ANKRD30B: variants seen among roughly 807,000 people sequenced by gnomAD.
ANKRD30B encodes ankyrin repeat domain 30B.
In ANKRD30B, 144 loss-of-function variants were observed where a neutral mutation model predicts 202.2. The ratio of observed to expected loss-of-function variants is 0.71; its 90% confidence interval spans 0.62 to 0.82. The LOEUF (loss-of-function observed/expected upper bound fraction) is 0.82. ANKRD30B is among the 40% of genes least tolerant of loss of function. The pLI is 0.00. For synonymous variants in ANKRD30B, 508 were observed against 561.3 expected (o/e 0.91, Z 1.34); for missense variants, 1,487 against 1,669.1 (o/e 0.89, Z 1.90).
chr18:14,916,705 T>C, the ANKRD30B span, among the ~76,000 whole-genome samples: 1 of 152,222 alleles, frequency 6.6e-6, no homozygotes, highest in Admixed American at 6.5e-5. Flanking sequence ...TGCTGCAAAC[T>C]GAGTTATGCA....
At chr18:14,767,318 A>G (rs953936222) in intron 7 of ANKRD30B, among the ~76,000 whole-genome samples, 1 of 152,230 alleles carries the variant, frequency 6.6e-6, no homozygotes, top group Admixed American at 6.5e-5. Context: ...AACTGTGAAT[A>G]GTATGAAACC....
intron 36 of ANKRD30B, among the ~76,000 whole-genome samples, chr18:14,840,297 G>A (rs1042438724): frequency 2.0e-5 from 3 of 152,034 alleles, no homozygotes; most frequent in Non-Finnish European, 2.9e-5. Flanking sequence ...CAATATTTTC[G>A]GAGGGCGAGG....
At chr18:14,897,429 C>T in the ANKRD30B span, among the ~76,000 whole-genome samples, 7 of 152,134 alleles carry the variant, frequency 4.6e-5, no homozygotes, top group Non-Finnish European at 1.0e-4. Flanking sequence ...CATTCACCTG[C>T]CTCAGCCTCC....
the ANKRD30B span, among the ~76,000 whole-genome samples, chr18:14,900,430 A>G: frequency 6.6e-6 from 1 of 151,996 alleles, no homozygotes; most frequent in Non-Finnish European, 1.5e-5. Flanking sequence ...TTTTCTTATG[A>G]GGCATAATAA....
the ANKRD30B span, among the ~76,000 whole-genome samples, chr18:14,921,923 C>T: frequency 6.6e-6 from 1 of 152,146 alleles, no homozygotes; most frequent in Admixed American, 6.5e-5. Context: ...CACCAATGGT[C>T]CTCCCTGCCA....
the ANKRD30B span, among the ~76,000 whole-genome samples, chr18:14,902,027 C>T: frequency 6.6e-6 from 1 of 152,112 alleles, no homozygotes; most frequent in Non-Finnish European, 1.5e-5. Context: ...AGGCAAAAGG[C>T]ACTTCTTACA....
chr18:14,889,741 G>T, the ANKRD30B span, among the ~76,000 whole-genome samples: 4 of 149,866 alleles, frequency 2.7e-5, no homozygotes, highest in Non-Finnish European at 4.4e-5. Flanking sequence ...GAGCTGGAAG[G>T]ATCCTTAGAG....
chr18:14,754,620 A>G (rs1914036323), intron 3 of ANKRD30B, among the ~76,000 whole-genome samples: 1 of 152,142 alleles, frequency 6.6e-6, no homozygotes, highest in African/African-American at 2.4e-5. Flanking sequence ...CCTTGCCCTC[A>G]TGAAGCTCTT....
chr18:14,921,129 T>C, the ANKRD30B span, among the ~76,000 whole-genome samples: 1 of 151,416 alleles, frequency 6.6e-6, no homozygotes, highest in Non-Finnish European at 1.5e-5. Context: ...GAATCAGCAG[T>C]GGTGGAGAGG....
intron 20 of ANKRD30B, among the ~76,000 whole-genome samples, chr18:14,798,851 C>A (rs1438854554): frequency 2.0e-5 from 3 of 152,160 alleles, no homozygotes; most frequent in Non-Finnish European, 4.4e-5. Flanking sequence ...TTTACACAAT[C>A]CTGCATGCAA....
the ANKRD30B span, among the ~76,000 whole-genome samples, chr18:14,940,535 T>A: frequency 1.3e-5 from 2 of 152,374 alleles, no homozygotes; most frequent in East Asian, 3.9e-4. Flanking sequence ...ATTTTATTTA[T>A]GGCTTCTGGG....
the ANKRD30B span, among the ~76,000 whole-genome samples, chr18:14,922,252 T>G: frequency 6.6e-6 from 1 of 152,210 alleles, no homozygotes; most frequent in East Asian, 1.9e-4. Context: ...AGGGAGCATT[T>G]ACACCAGCCC....
At chr18:14,803,670 T>G in intron 23 of ANKRD30B, 64 bp from the exon 24 acceptor site, 1 of 1,492,618 alleles carries the variant, frequency 6.7e-7, no homozygotes, top group Non-Finnish European at 9.1e-7. Context: ...AATTAGGAAC[T>G]TTTGATACTC....
At chr18:14,874,732 A>C in the ANKRD30B span, among the ~76,000 whole-genome samples, 4 of 152,218 alleles carry the variant, frequency 2.6e-5, no homozygotes, top group African/African-American at 9.6e-5. Context: ...GAAGGGACCT[A>C]TAAGCTTATC....
chr18:14,837,929 T>G (rs1345469059), intron 36 of ANKRD30B, among the ~76,000 whole-genome samples: 1 of 152,192 alleles, frequency 6.6e-6, no homozygotes, highest in Non-Finnish European at 1.5e-5. Context: ...GGCAGGAGAA[T>G]GGCGTGAACC....
the ANKRD30B span, among the ~76,000 whole-genome samples, chr18:14,861,235 A>T: frequency 6.6e-6 from 1 of 152,264 alleles, no homozygotes; most frequent in African/African-American, 2.4e-5. Flanking sequence ...CTACAAGGTA[A>T]CTAGCTAACA....
At chr18:14,926,054 A>G in the ANKRD30B span, among the ~76,000 whole-genome samples, 1 of 152,234 alleles carries the variant, frequency 6.6e-6, no homozygotes, top group Non-Finnish European at 1.5e-5. Flanking sequence ...GAATTTGAAG[A>G]TAAACCTCAA....
chr18:14,791,265 C>A, intron 15 of ANKRD30B, 136 bp from the exon 16 acceptor site: 1 of 658,998 alleles, frequency 1.5e-6, no homozygotes, highest in Non-Finnish European at 2.6e-6. Flanking sequence ...ATTTTCTATA[C>A]GTGTGTACTC....
At chr18:14,899,803 C>T in the ANKRD30B span, among the ~76,000 whole-genome samples, 2 of 152,092 alleles carry the variant, frequency 1.3e-5, no homozygotes, top group Non-Finnish European at 1.5e-5. Flanking sequence ...CTTCTAATAA[C>T]TTATATTTAA....
Sources: gnomAD v4.1 joint callset for allele counts (sites outside exome capture counted in the v4.1 genomes callset) on GRCh38, gnomAD v4.1.1 for gene constraint, MANE v1.5 for transcripts, NCBI Gene and HGNC (gene_info 2026-07-23, HGNC 2026-07-21) for gene names.